PRDM16: variants seen among roughly 807,000 people sequenced by gnomAD.
The protein encoded by PRDM16 is histone-lysine N-methyltransferase PRDM16.
Under a neutral mutation model 110.6 loss-of-function variants are expected in PRDM16, and 23 were observed. That is an observed-to-expected ratio of 0.21 (90% CI 0.15 to 0.29). PRDM16 has a LOEUF of 0.29. Among genes scored for constraint, PRDM16 ranks in the 10% least tolerant of loss-of-function variants. PRDM16 has a pLI of 1.00. For synonymous variants in PRDM16, 799 were observed against 781.8 expected, an observed-to-expected ratio of 1.02 and a Z score of -0.37; for missense variants, 1,615 against 1,794.3, an observed-to-expected ratio of 0.90 and a Z score of 1.81.
Position 3,245,444 on chromosome 1 carries a change from G to A in PRDM16, c.438+1307G>A, listed in dbSNP as rs1365699855. Among the ~76,000 whole-genome samples the A allele has an allele frequency of 6.6e-6, 1 of 152,160 alleles. No individual in the cohort carries two copies. Among genetic ancestry groups the A allele is most frequent in the Non-Finnish European group, 1.5e-5 (1 of 68,030 alleles). On this transcript the variant is annotated intron_variant, in intron 3 of 16. Transcript: ENST00000270722. The surrounding 1 kb of genome is among the most constrained non-coding windows in gnomAD (Gnocchi z 4.7). ...TTCAACCCCAGATACATTGATTTTG[G>A]AGAAAGCATGGCAATGGAGACTTTT...
chr1:3,294,912 G>A (rs186434214), intron 3 of PRDM16, among the ~76,000 whole-genome samples: 178 of 152,320 alleles, frequency 1.2e-3, no homozygotes, highest in African/African-American at 4.2e-3. Flanking sequence ...CCAGGGGAGA[G>A]GGGTAGACCC....
At chr1:3,373,425 G>A (rs1642939670) in intron 3 of PRDM16, among the ~76,000 whole-genome samples, 1 of 152,222 alleles carries the variant, frequency 6.6e-6, no homozygotes, top group Admixed American at 6.5e-5. Flanking sequence ...GGGAGCCAGG[G>A]GGTTCGGGGG....
intron 4 of PRDM16, among the ~76,000 whole-genome samples, chr1:3,392,764 A>AT (rs1643319367): frequency 6.6e-6 from 1 of 152,228 alleles, no homozygotes; most frequent in African/African-American, 2.4e-5. Context: ...CTCTGTCTGA[A>AT]TGAACGTGGC....
intron 1 of PRDM16, among the ~76,000 whole-genome samples, chr1:3,179,182 G>A (rs1433429944): frequency 6.6e-6 from 1 of 152,258 alleles, no homozygotes; most frequent in Admixed American, 6.5e-5. Flanking sequence ...TCTGCCTGAT[G>A]GTTGTGGGGA....
At chr1:3,405,472 G>A (rs374258269) in intron 7 of PRDM16, 23 bp from the exon 8 acceptor site, 18 of 1,542,410 alleles carry the variant, frequency 1.2e-5, no homozygotes, top group Middle Eastern at 1.7e-4. Flanking sequence ...CAGGGCACGC[G>A]CCAACGGCAT....
At chr1:3,262,038 A>G (rs1640175125) in intron 3 of PRDM16, among the ~76,000 whole-genome samples, 1 of 152,276 alleles carries the variant, frequency 6.6e-6, no homozygotes, top group Non-Finnish European at 1.5e-5. Flanking sequence ...GAAGGACTGA[A>G]AAATCAGTCG....
chr1:3,336,265 T>C (rs1642143423), intron 3 of PRDM16, among the ~76,000 whole-genome samples: 1 of 152,146 alleles, frequency 6.6e-6, no homozygotes, highest in Admixed American at 6.5e-5. Context: ...TGTGTGTAGG[T>C]GTAGGCATGT....
chr1:3,345,097 A>G (rs1642336457), intron 3 of PRDM16, among the ~76,000 whole-genome samples: 1 of 152,184 alleles, frequency 6.6e-6, no homozygotes, highest in African/African-American at 2.4e-5. Context: ...CATCTGTCCC[A>G]TAAGACTGCA....
rs1639715824 is a variant in PRDM16 at position 3,243,248 on chromosome 1, C to T, written c.388-839C>T. Reference sequence around the variant, plus strand: ...CCCCGGGCACCTGCATGGCACTAGGCACAGCGGCTTTTCTGCCTTAGCTCC... The same window carrying T: ...CCCCGGGCACCTGCATGGCACTAGGTACAGCGGCTTTTCTGCCTTAGCTCC... On this transcript the variant is annotated intron_variant, in intron 2 of 16. Transcript: ENST00000270722. This position sits in a 1 kb window ranked among gnomAD's most constrained non-coding sequence, Gnocchi z 5.5. Among the ~76,000 whole-genome samples the T allele has an allele frequency of 6.6e-6, 1 of 152,222 alleles. No homozygotes were observed. Among genetic ancestry groups the T allele is most frequent in the Non-Finnish European group, 1.5e-5 (1 of 68,038 alleles).
At chr1:3,170,254 C>G (rs1031520212) in intron 1 of PRDM16, among the ~76,000 whole-genome samples, 3 of 152,204 alleles carry the variant, frequency 2.0e-5, no homozygotes, top group Non-Finnish European at 4.4e-5. Flanking sequence ...GGAGTGCCTG[C>G]AGGCCCTTCC....
intron 3 of PRDM16, among the ~76,000 whole-genome samples, chr1:3,310,538 C>G (rs1461307467): frequency 1.3e-5 from 2 of 152,094 alleles, no homozygotes; most frequent in Non-Finnish European, 2.9e-5. Flanking sequence ...GGAGGTTGGG[C>G]TCCCCAGGGA....
chr1:3,217,718 A>G (rs1639062387), intron 2 of PRDM16, among the ~76,000 whole-genome samples: 1 of 152,026 alleles, frequency 6.6e-6, no homozygotes, highest in Non-Finnish European at 1.5e-5. Flanking sequence ...ATCCCGGTAG[A>G]TCTTTTTTTT....
intron 3 of PRDM16, among the ~76,000 whole-genome samples, chr1:3,336,776 CTG>C (rs1193446705): frequency 5.4e-5 from 8 of 148,814 alleles, no homozygotes; most frequent in East Asian, 4.0e-4. Context: ...TGGTGTGAAT[CTG>C]TGTGTGAATG....
intron 16 of PRDM16, 69 bp from the exon 17 acceptor site, chr1:3,433,608 C>CCTG: frequency 7.3e-7 from 1 of 1,374,762 alleles, no homozygotes. Flanking sequence ...ACCTGCCTGT[C>CCTG]TGGGATGGCC....
chr1:3,289,715 G>T (rs1196508786), intron 3 of PRDM16, among the ~76,000 whole-genome samples: 1 of 152,226 alleles, frequency 6.6e-6, no homozygotes, highest in Non-Finnish European at 1.5e-5. Context: ...CCTGGGGCAG[G>T]ACAGCACGGA....
intron 5 of PRDM16, among the ~76,000 whole-genome samples, chr1:3,398,047 G>A (rs1643413340): frequency 6.6e-6 from 1 of 152,154 alleles, no homozygotes; most frequent in Non-Finnish European, 1.5e-5. Context: ...AAAATCAATT[G>A]CCGAGATCTG....
chr1:3,090,296 C>T (rs544701072), intron 1 of PRDM16, among the ~76,000 whole-genome samples: 4 of 152,228 alleles, frequency 2.6e-5, no homozygotes, highest in South Asian at 2.1e-4. Context: ...GCCGCTTTCC[C>T]GAAGCGCTTC....
chr1:3,401,630 CACAT>C (rs745648560), intron 5 of PRDM16, among the ~76,000 whole-genome samples: 8 of 151,450 alleles, frequency 5.3e-5, no homozygotes, highest in Admixed American at 2.0e-4. Flanking sequence ...CGTGTTCACA[CACAT>C]ATTCACATGC....
chr1:3,329,058 C>T (rs1557613135), intron 3 of PRDM16, among the ~76,000 whole-genome samples: 1 of 152,116 alleles, frequency 6.6e-6, no homozygotes, highest in African/African-American at 2.4e-5. Context: ...CCCTGGGCCC[C>T]TCCTAGGAAA....
Sources: allele counts gnomAD v4.1 joint callset (sites outside exome capture counted in the v4.1 genomes callset), GRCh38; gene constraint gnomAD v4.1.1; non-coding constraint Gnocchi (gnomAD v3.1); transcripts MANE v1.5; gene names NCBI Gene and HGNC (gene_info 2026-07-23, HGNC 2026-07-21).